The following CLEC6A variants were observed in gnomAD, a reference collection of about 807,000 sequenced individuals.
CLEC6A encodes C-type lectin domain family 6 member A.
A neutral mutation model predicts 25.7 loss-of-function variants in CLEC6A; 22 were observed. That is an observed-to-expected ratio of 0.85 (90% CI 0.61 to 1.22). CLEC6A has a LOEUF of 1.22. Ranked by LOEUF, CLEC6A falls within the 50% of genes most tolerant of loss-of-function variation. The pLI is 0.00. For missense variants in CLEC6A, 240 were observed against 236.8 expected (o/e 1.01, Z -0.09); for synonymous variants, 92 against 76.7 (o/e 1.20, Z -1.04).
intron 5 of CLEC6A, 78 bp downstream of exon 5, chr12:8,476,318 T>G: frequency 1.3e-6 from 1 of 789,230 alleles, no homozygotes; most frequent in Non-Finnish European, 2.1e-6. Flanking sequence ...ATGTTAATAT[T>G]GGTAATTATG....
intron 3 of CLEC6A, among the ~76,000 whole-genome samples, chr12:8,463,202 C>A (rs1939787075): frequency 1.3e-5 from 2 of 151,940 alleles, no homozygotes; most frequent in African/African-American, 4.8e-5. Context: ...TTCCTGTGGC[C>A]CATTAGGCTT....
At chr12:8,470,296 G>A (rs4627153) in intron 4 of CLEC6A, among the ~76,000 whole-genome samples, 117,541 of 152,026 alleles carry the variant, frequency 0.77, 45,904 homozygotes, top group East Asian at 0.99. Flanking sequence ...AGATGTTGGT[G>A]TAGAGGTGCT....
At chr12:8,472,343 A>G (rs1157590955) in intron 4 of CLEC6A, among the ~76,000 whole-genome samples, 3 of 152,266 alleles carry the variant, frequency 2.0e-5, no homozygotes, top group Admixed American at 6.5e-5. Flanking sequence ...AGCCACCACC[A>G]AGTATCCCAA....
At chr12:8,466,476 T>C (rs1355306945) in intron 4 of CLEC6A, among the ~76,000 whole-genome samples, 1 of 152,208 alleles carries the variant, frequency 6.6e-6, no homozygotes, top group Non-Finnish European at 1.5e-5. Flanking sequence ...GTTTTCATGA[T>C]GACTGTGCCA....
chr12:8,461,772 A>G (rs1406608041), intron 3 of CLEC6A, among the ~76,000 whole-genome samples: 1 of 152,150 alleles, frequency 6.6e-6, no homozygotes, highest in Non-Finnish European at 1.5e-5. Flanking sequence ...TTTGTTTCCC[A>G]CTCAGTTTTA....
chr12:8,466,662 G>T (rs1302286091), intron 4 of CLEC6A, among the ~76,000 whole-genome samples: 7 of 147,070 alleles, frequency 4.8e-5, no homozygotes, highest in Admixed American at 2.0e-4. Context: ...GTGTTGTTTT[G>T]TTTTTTTTTT....
intron 2 of CLEC6A, among the ~76,000 whole-genome samples, chr12:8,459,213 C>A (rs1331094368): frequency 1.3e-5 from 2 of 151,936 alleles, no homozygotes; most frequent in East Asian, 3.9e-4. Context: ...AGACTTCCTT[C>A]TTTTTTTATA....
chr12:8,464,595 G>A (rs1016026227), intron 3 of CLEC6A, among the ~76,000 whole-genome samples: 3 of 152,138 alleles, frequency 2.0e-5, no homozygotes, highest in Non-Finnish European at 2.9e-5. Context: ...GCCTCCCAAA[G>A]TGCTGGGATT....
At chr12:8,457,636 T>C (rs1180703102) in intron 1 of CLEC6A, among the ~76,000 whole-genome samples, 1 of 152,168 alleles carries the variant, frequency 6.6e-6, no homozygotes, top group African/African-American at 2.4e-5. Context: ...ACGAAATCAA[T>C]GGAAACATGT....
chr12:8,472,350 C>A (rs1939916462), intron 4 of CLEC6A, among the ~76,000 whole-genome samples: 1 of 152,094 alleles, frequency 6.6e-6, no homozygotes, highest in African/African-American at 2.4e-5. Context: ...ACCAAGTATC[C>A]CAAATATGTT....
chr12:8,458,052 C>T (rs921234768), intron 2 of CLEC6A, 65 bp downstream of exon 2: 5 of 1,161,278 alleles, frequency 4.3e-6, no homozygotes, highest in Non-Finnish European at 6.5e-6. Flanking sequence ...TACAGGTTTC[C>T]TAGGATATAT....
chr12:8,477,307 T>G lies in CLEC6A; in HGVS notation c.486-13T>G, dbSNP rs755158438. 4 of 1,601,312 alleles carry G rather than the reference T, an allele frequency of 2.5e-6. No homozygotes were observed. The highest frequency in any genetic ancestry group is 2.7e-5 in the African/African-American group (2 of 74,188). On this transcript the variant is annotated splice_polypyrimidine_tract_variant and intron_variant, in intron 5 of 5. Transcript: ENST00000382073. ...TCTTTGAAGATGTGTACTACCTTTTTGTTTTCCTTTAGATTTTGGCACCTA... is the reference window on the plus strand; with the variant it reads ...TCTTTGAAGATGTGTACTACCTTTTGGTTTTCCTTTAGATTTTGGCACCTA...
In CLEC6A at chr12:8,466,842, A is replaced by G. The variant is rs1338140277; in HGVS notation, c.369+1213A>G. On this transcript the variant is annotated intron_variant, in intron 4 of 5. Coordinates refer to ENST00000382073, the MANE Select transcript of CLEC6A (RefSeq NM_001007033.2). Reference sequence around the variant, plus strand: ...GCTAATTTTTGTATTTTTAGTAAAGATGGGTTTCACCATCTTGGTCAGGCT... The same window carrying G: ...GCTAATTTTTGTATTTTTAGTAAAGGTGGGTTTCACCATCTTGGTCAGGCT... Among the ~76,000 whole-genome samples, 4 of 57,882 alleles carry G rather than the reference A, an allele frequency of 6.9e-5. No homozygotes were observed. In the South Asian group the frequency reaches 2.8e-3, roughly 40 times the overall value. The allele number at this position is 57,882 out of a possible 152,430, so 38.0% of individuals were successfully genotyped here.
chr12:8,456,795 A>G (rs1939681860), intron 1 of CLEC6A, among the ~76,000 whole-genome samples: 1 of 152,120 alleles, frequency 6.6e-6, no homozygotes, highest in South Asian at 2.1e-4. Context: ...CTACTCTTCT[A>G]GCTATTTTGA....
chr12:8,477,198 G>C, intron 5 of CLEC6A, 122 bp from the exon 6 acceptor site: 1 of 718,270 alleles, frequency 1.4e-6, no homozygotes. Flanking sequence ...TGAGAAGAAG[G>C]AACAATCATT....
At chr12:8,466,433 T>A (rs1444894145) in intron 4 of CLEC6A, among the ~76,000 whole-genome samples, 1 of 152,178 alleles carries the variant, frequency 6.6e-6, no homozygotes, top group Non-Finnish European at 1.5e-5. Context: ...ACAAGTTAGT[T>A]CTATTTTTAA....
intron 4 of CLEC6A, among the ~76,000 whole-genome samples, chr12:8,470,346 A>G (rs1939888721): frequency 1.3e-5 from 2 of 152,188 alleles, no homozygotes; most frequent in South Asian, 2.1e-4. Context: ...AATGTAAACT[A>G]GTACAACCAC....
chr12:8,473,722 A>G (rs200365843), intron 4 of CLEC6A, among the ~76,000 whole-genome samples: 2 of 152,120 alleles, frequency 1.3e-5, no homozygotes, highest in African/African-American at 4.8e-5. Flanking sequence ...CCTTTTCTCT[A>G]CAGCCTCTCC....
At chr12:8,470,684 G>A (rs1314156052) in intron 4 of CLEC6A, among the ~76,000 whole-genome samples, 2 of 152,104 alleles carry the variant, frequency 1.3e-5, no homozygotes, top group East Asian at 3.8e-4. Flanking sequence ...ACTCATAAGT[G>A]GGAGCTAAGC....
Sources: allele counts gnomAD v4.1 joint callset (sites outside exome capture counted in the v4.1 genomes callset), GRCh38; gene constraint gnomAD v4.1.1; transcripts MANE v1.5; gene names NCBI Gene and HGNC (gene_info 2026-07-23, HGNC 2026-07-21).